The following NSUN6 variants were observed in gnomAD, a reference collection of about 807,000 sequenced individuals.
The protein encoded by NSUN6 is tRNA (cytosine(72)-C(5))-methyltransferase NSUN6.
In NSUN6, 64 loss-of-function variants were observed where a neutral mutation model predicts 58.0. The ratio of observed to expected loss-of-function variants is 1.10; its 90% CI spans 0.90 to 1.36. NSUN6 has a LOEUF of 1.36. NSUN6 is among the 40% of genes most tolerant of loss of function. NSUN6 has a pLI of 0.00. For synonymous variants in NSUN6, 231 were observed against 193.9 expected (o/e 1.19, Z -1.59); for missense variants, 701 against 550.1 (o/e 1.27, Z -2.74).
chr10:18,587,557 G>A (rs1027892682), intron 7 of NSUN6, among the ~76,000 whole-genome samples: 66 of 152,092 alleles, frequency 4.3e-4, no homozygotes, highest in Non-Finnish European at 3.2e-4. Context: ...AATGCAGAAC[G>A]TGAGTGATTT....
upstream of NSUN6, chr10:18,652,144 G>C: frequency 1.0e-6 from 1 of 985,186 alleles, no homozygotes; most frequent in South Asian, 4.7e-5. Context: ...AGTGTTTACA[G>C]TTAGTTATAA....
intron 3 of NSUN6, among the ~76,000 whole-genome samples, chr10:18,638,392 A>T (rs2059285772): frequency 6.6e-6 from 1 of 152,192 alleles, no homozygotes; most frequent in Non-Finnish European, 1.5e-5. Context: ...CAGTGAGCCA[A>T]GATCGTGCCA....
rs184050079 is a variant in NSUN6 at position 18,639,072 on chromosome 10, C to T, written c.311+3404G>A. ...GAGTTTGAGACCAGCTTGGGCAACACGGCGAGACCTCGTCTCAAACAAACA... is the reference window on the plus strand; with the variant it reads ...GAGTTTGAGACCAGCTTGGGCAACATGGCGAGACCTCGTCTCAAACAAACA... On this transcript the variant is annotated intron_variant, in intron 3 of 10. Transcript: ENST00000377304. Among the ~76,000 whole-genome samples the T allele has an allele frequency of 1.9e-4, 28 of 151,234 alleles. 1 individual carries two copies. Among genetic ancestry groups the T allele is most frequent in the Admixed American group, 1.5e-3 (23 of 15,196 alleles).
At chr10:18,620,071 A>G (rs181862275) in intron 3 of NSUN6, among the ~76,000 whole-genome samples, 66 of 144,672 alleles carry the variant, frequency 4.6e-4, no homozygotes, top group African/African-American at 1.5e-3. Context: ...ATACACATCT[A>G]ATTTTTACTA....
intron 3 of NSUN6, among the ~76,000 whole-genome samples, chr10:18,635,648 G>A (rs745649880): frequency 1.6e-4 from 24 of 151,846 alleles, no homozygotes; most frequent in Non-Finnish European, 2.9e-4. Flanking sequence ...GACCAGCCTG[G>A]CCAACATGGT....
chr10:18,561,729 G>C (rs2055527120), intron 8 of NSUN6, among the ~76,000 whole-genome samples: 1 of 150,600 alleles, frequency 6.6e-6, no homozygotes, highest in Non-Finnish European at 1.5e-5. Context: ...GAAAGGAATA[G>C]AATATGGAAT....
intron 3 of NSUN6, among the ~76,000 whole-genome samples, chr10:18,622,161 T>C (rs1034946981): frequency 6.6e-6 from 1 of 152,056 alleles, no homozygotes; most frequent in African/African-American, 2.4e-5. Flanking sequence ...AATGTGATGG[T>C]ATTTGGAGAA....
At chr10:18,569,752 T>C (rs181501990) in intron 8 of NSUN6, among the ~76,000 whole-genome samples, 19 of 151,458 alleles carry the variant, frequency 1.3e-4, no homozygotes, top group Non-Finnish European at 2.5e-4. Flanking sequence ...TTACATCCCA[T>C]TCTCCATTTC....
At chr10:18,605,800 C>T (rs1164810291) in intron 6 of NSUN6, among the ~76,000 whole-genome samples, 1 of 151,940 alleles carries the variant, frequency 6.6e-6, no homozygotes. Flanking sequence ...CATCATACAA[C>T]CTAAGGATTC....
At position 18,551,857 on chromosome 10, in the gene NSUN6, G is replaced by A; in HGVS notation, c.1037C>T (p.Ser346Leu). 6.2e-7 allele frequency: 1 copy of A among 1,613,478 alleles called. No homozygotes were observed. Among genetic ancestry groups the A allele is most frequent in the Non-Finnish European group, 8.5e-7 (1 of 1,179,562 alleles). ...ACTWSVKEVA[S>L]YQPLQRKLFT... ...GAGTTTTCGCTGTAATGGCTGATATGATGCCACTTCCTTCACAGACCAAGT... is the reference window on the plus strand; with the variant it reads ...GAGTTTTCGCTGTAATGGCTGATATAATGCCACTTCCTTCACAGACCAAGT... The change falls in exon 9 of 11, where the codon TCA (serine) becomes TTA (leucine). Residue 346 changes from serine (S) to leucine (L), a missense_variant. Coordinates refer to ENST00000377304, the MANE Select transcript of NSUN6 (RefSeq NM_182543.5).
At chr10:18,608,165 C>G (rs780644001) in intron 6 of NSUN6, among the ~76,000 whole-genome samples, 3 of 152,146 alleles carry the variant, frequency 2.0e-5, no homozygotes, top group Non-Finnish European at 4.4e-5. Flanking sequence ...CCTTGCTATT[C>G]AGTGACAAAG....
chr10:18,582,763 A>G (rs1440777862), intron 8 of NSUN6, among the ~76,000 whole-genome samples: 1 of 152,118 alleles, frequency 6.6e-6, no homozygotes, highest in Non-Finnish European at 1.5e-5. Flanking sequence ...CGAAAACTAA[A>G]ACCACTGTAA....
At chr10:18,586,852 T>C (rs1334700750) in intron 7 of NSUN6, among the ~76,000 whole-genome samples, 1 of 152,208 alleles carries the variant, frequency 6.6e-6, no homozygotes, top group Non-Finnish European at 1.5e-5. Context: ...TGGTCCATTT[T>C]ACAGAGCGCT....
intron 3 of NSUN6, among the ~76,000 whole-genome samples, chr10:18,632,720 C>G (rs1470148876): frequency 3.3e-5 from 5 of 152,162 alleles, no homozygotes; most frequent in African/African-American, 9.7e-5. Context: ...CATCTCACAC[C>G]CGTTAGAATG....
rs1379622639 is a variant in NSUN6, at chr10:18,561,352, G to C, written c.923-9381C>G. Among the ~76,000 whole-genome samples the C allele has an allele frequency of 3.8e-5, 3 of 78,756 alleles. 1 individual carries two copies. Among genetic ancestry groups the C allele is most frequent in the African/African-American group, 1.3e-4 (3 of 22,650 alleles). 51.7% of individuals were successfully genotyped at this position (78,756 alleles called of 152,430 possible). A position where few individuals can be genotyped will look rare whatever the true frequency, so the allele number is the denominator to read the frequency against. ...GGAATAGAATATGGAATAGAATGGA[G>C]AACGGAATGGAGAATACAATGGAAT... On this transcript the variant is annotated intron_variant, in intron 8 of 10. Coordinates refer to ENST00000377304, the MANE Select transcript of NSUN6 (RefSeq NM_182543.5).
rs1554845671 is a variant in NSUN6 at position 18,545,876 on chromosome 10, A to AAAAAAC, written c.*51_*56dup. On this transcript the variant is annotated 3_prime_UTR_variant, in exon 11 of 11. Coordinates refer to ENST00000377304, the MANE Select transcript of NSUN6 (RefSeq NM_182543.5). ...CCTGACAACACTTTGGTTAAAAAAA[A>AAAAAAC]AAAAACCACAGACAGCAAATGTTTG... is the stretch of plus-strand genomic sequence containing the variant. 9.3e-6 allele frequency: 10 copies of AAAAAAC among 1,070,788 alleles called. No individual in the cohort carries two copies. The highest frequency in any genetic ancestry group is 3.2e-5 in the African/African-American group (2 of 62,396). The allele number at this position is 1,070,788 out of a possible 1,614,324, so 66.3% of individuals were successfully genotyped here. A position where few individuals can be genotyped will look rare whatever the true frequency, so the allele number is the denominator to read the frequency against.
At chr10:18,594,214 A>AG (rs1237373659) in intron 7 of NSUN6, among the ~76,000 whole-genome samples, 3 of 151,442 alleles carry the variant, frequency 2.0e-5, no homozygotes, top group African/African-American at 7.3e-5. Context: ...AAAAAAAAAA[A>AG]GAAAGCAAGC....
chr10:18,616,242 G>A lies in NSUN6; in HGVS notation c.363C>T (p.Gly121=), dbSNP rs1369265838. The change falls in exon 4 of 11, where the codon GGC becomes GGT. Residue 121 remains glycine (G), a synonymous_variant. Transcript: ENST00000377304. ...QCEAIVGAQC[G]NAVLRGAHVY... The stretch of plus-strand genomic sequence containing the variant: ...CATGGGCTCCTCTTAAAACTGCATT[G>A]CCACACTGGGCTCCAACAATGGCTT... 3 of 1,611,078 alleles carry A rather than the reference G, an allele frequency of 1.9e-6. No homozygotes were observed. The highest frequency in any genetic ancestry group is 3.3e-5 in the Admixed American group (2 of 59,976).
In NSUN6 at chr10:18,614,554, C is replaced by A; in HGVS notation, c.481G>T (p.Gly161Ter). 6.5e-7 allele frequency: 1 copy of A among 1,529,620 alleles called. No individual in the cohort carries two copies. Among genetic ancestry groups the A allele is most frequent in the Non-Finnish European group, 8.9e-7 (1 of 1,129,322 alleles). 94.8% of individuals were successfully genotyped at this position (1,529,620 alleles called of 1,614,324 possible). The change falls in exon 5 of 11, where the codon GGA (glycine) becomes TGA (stop). Residue 161 changes from glycine (G) to a stop codon, truncating the protein, a stop_gained. Transcript: ENST00000377304. LOFTEE classifies it high-confidence loss of function. Reference protein sequence around the residue: ...YSDIKGKCKKGAKEFDGTKVF... With the variant: ...YSDIKGKCKK ...TTTGTTCCATCAAATTCTTTGGCTC[C>A]TTTCTTACATTTTCCTTTAATATCA...
Sources: gnomAD v4.1 joint callset for allele counts (sites outside exome capture counted in the v4.1 genomes callset) on GRCh38, gnomAD v4.1.1 for gene constraint, MANE v1.5 for transcripts, NCBI Gene and HGNC (gene_info 2026-07-23, HGNC 2026-07-21) for gene names.